DOCK8: variants seen among roughly 807,000 people sequenced by gnomAD.
DOCK8 encodes dedicator of cytokinesis 8.
In DOCK8, 141 loss-of-function variants were observed where a neutral mutation model predicts 245.6. That is an observed-to-expected ratio of 0.57 (90% confidence interval 0.50 to 0.66). The LOEUF is 0.66. DOCK8 is among the 30% of genes least tolerant of loss of function. The pLI, the probability that DOCK8 is intolerant of heterozygous loss-of-function variation, is 0.00. For synonymous variants in DOCK8, 1,168 were observed against 970.2 expected, an observed-to-expected ratio of 1.20 and a Z score of -3.79; for missense variants, 2,965 against 2,603.4, an observed-to-expected ratio of 1.14 and a Z score of -3.02.
intron 2 of DOCK8, among the ~76,000 whole-genome samples, chr9:277,276 T>C (rs1284215688): frequency 1.4e-5 from 2 of 147,794 alleles, no homozygotes; most frequent in East Asian, 1.9e-4. Context: ...AAAAGAAAAA[T>C]TAGCCAGGCA....
At chr9:220,729 T>C in intron 1 of DOCK8, 1 of 414,808 alleles carries the variant, frequency 2.4e-6, no homozygotes, top group Non-Finnish European at 4.7e-6. Context: ...TTTTTTTTTT[T>C]TTTCTTTTTT....
intron 18 of DOCK8, among the ~76,000 whole-genome samples, chr9:373,651 C>G (rs2053394387): frequency 6.6e-6 from 1 of 152,212 alleles, no homozygotes; most frequent in South Asian, 2.1e-4. Flanking sequence ...ACTTTCTTCT[C>G]TGTTCTTTCG....
At chr9:422,944 C>T (rs1218819303) in intron 33 of DOCK8, among the ~76,000 whole-genome samples, 2 of 145,756 alleles carry the variant, frequency 1.4e-5, no homozygotes, top group Non-Finnish European at 3.0e-5. Context: ...AAGATCGTGC[C>T]ATTGCACTCC....
At chr9:355,181 CTGTTTCTTTTCTTTTT>C (rs1217487980) in intron 14 of DOCK8, among the ~76,000 whole-genome samples, 1 of 115,072 alleles carries the variant, frequency 8.7e-6, no homozygotes, top group African/African-American at 4.0e-5. Flanking sequence ...TGGTGTATTT[CTGTTTCTTTTCTTTTT>C]TTTTTTTTTT....
At chr9:275,007 T>G (rs2048286738) in intron 2 of DOCK8, among the ~76,000 whole-genome samples, 1 of 152,232 alleles carries the variant, frequency 6.6e-6, no homozygotes, top group African/African-American at 2.4e-5. Context: ...TGCTGCTGTT[T>G]TGCAAGAGTG....
intron 20 of DOCK8, among the ~76,000 whole-genome samples, chr9:379,553 A>G (rs2053654376): frequency 6.6e-6 from 1 of 152,128 alleles, no homozygotes; most frequent in Non-Finnish European, 1.5e-5. Flanking sequence ...CATCAATGCT[A>G]TTCAGTGGCA....
At chr9:389,189 G>A (rs2054082018) in intron 23 of DOCK8, among the ~76,000 whole-genome samples, 3 of 152,154 alleles carry the variant, frequency 2.0e-5, no homozygotes, top group Admixed American at 2.0e-4. Flanking sequence ...ACATTATCAG[G>A]CACACTGTAA....
chr9:266,600 G>C (rs2048039084), intron 1 of DOCK8, among the ~76,000 whole-genome samples: 1 of 152,036 alleles, frequency 6.6e-6, no homozygotes, highest in East Asian at 1.9e-4. Flanking sequence ...GCCACACTTT[G>C]CAAGCTCTAC....
At chr9:354,160 T>C (rs1305006479) in intron 14 of DOCK8, among the ~76,000 whole-genome samples, 1 of 152,266 alleles carries the variant, frequency 6.6e-6, no homozygotes, top group South Asian at 2.1e-4. Context: ...GGCAAAACCC[T>C]GTCTTTACTA....
intron 32 of DOCK8, 100 bp downstream of exon 32, chr9:421,178 G>T (rs1369075585): frequency 6.6e-7 from 1 of 1,521,602 alleles, no homozygotes; most frequent in Admixed American, 1.7e-5. Context: ...TTACTTTCTT[G>T]AGATATTTAC....
chr9:463,730 G>C (rs764018298), intron 47 of DOCK8, 43 bp downstream of exon 47: 2 of 1,610,560 alleles, frequency 1.2e-6, no homozygotes, highest in East Asian at 2.2e-5. Flanking sequence ...GGGATAAAGA[G>C]CAGCGCATGG....
At chr9:426,011 T>TA (rs1278719120) in intron 33 of DOCK8, among the ~76,000 whole-genome samples, 12 of 152,232 alleles carry the variant, frequency 7.9e-5, no homozygotes, top group Non-Finnish European at 1.6e-4. Context: ...TATGAGCTGA[T>TA]ATAATGATAC....
rs543132727 is a variant in DOCK8 at position 372,265 on chromosome 9, C to G, written c.2088C>G (p.Asn696Lys). Reference protein sequence around the residue: ...LPVALEKLPPNYSMHSAEKVP... With the variant: ...LPVALEKLPPKYSMHSAEKVP... ...TTGCCTTGGAAAAATTGCCACCCAA[C>G]TACTCCATGCATTCTGCTGAGGTAA... The change falls in exon 18 of 48, where the codon AAC (asparagine) becomes AAG (lysine). Residue 696 changes from asparagine (N) to lysine (K), a missense_variant. Coordinates refer to ENST00000432829, the MANE Select transcript of DOCK8 (RefSeq NM_203447.4). The G allele has an allele frequency of 6.2e-7, 1 of 1,614,004 alleles. No homozygotes were observed. The highest frequency in any genetic ancestry group is 1.3e-5 in the African/African-American group (1 of 75,062).
chr9:346,116 A>G (rs777079591), intron 14 of DOCK8, among the ~76,000 whole-genome samples: 1 of 151,910 alleles, frequency 6.6e-6, no homozygotes, highest in Non-Finnish European at 1.5e-5. Context: ...ACTCTGAGAA[A>G]TCACAAGCAG....
At chr9:366,231 GTATTGTCACA>G (rs1396090817) in intron 14 of DOCK8, 2 of 153,126 alleles carry the variant, frequency 1.3e-5, no homozygotes, top group Non-Finnish European at 2.9e-5. Context: ...AGCTCATTGA[GTATTGTCACA>G]TATCAGCCCA....
chr9:444,360 A>AATAATAATAAT lies in DOCK8; in HGVS notation c.5580+849_5580+850insAATAATATAAT, dbSNP rs1396741351. Among the ~76,000 whole-genome samples the AATAATAATAAT allele has an allele frequency of 8.7e-5, 13 of 150,204 alleles. No homozygotes were observed. The South Asian group carries it at 2.5e-3, about 29-fold the overall frequency. On this transcript the variant is annotated intron_variant, in intron 43 of 47. Coordinates refer to ENST00000432829, the MANE Select transcript of DOCK8 (RefSeq NM_203447.4). ...AAATAATAATAATAATAATAATAATAATAATTTGGGAGTTTCTATGATACC... is the reference window on the plus strand; with the variant it reads ...AAATAATAATAATAATAATAATAATAATAATAATAATATAATTTGGGAGTTTCTATGATACC...
intron 26 of DOCK8, among the ~76,000 whole-genome samples, chr9:402,542 C>T (rs544546122): frequency 1.3e-5 from 2 of 152,286 alleles, no homozygotes; most frequent in South Asian, 2.1e-4. Flanking sequence ...GACCCCCATT[C>T]GTGGTGATTT....
chr9:397,629 G>A (rs2054526761), intron 25 of DOCK8, among the ~76,000 whole-genome samples: 1 of 151,936 alleles, frequency 6.6e-6, no homozygotes, highest in Non-Finnish European at 1.5e-5. Flanking sequence ...GGCGGAGGTT[G>A]CAGTGAGCCG....
intron 14 of DOCK8, among the ~76,000 whole-genome samples, chr9:345,763 T>C (rs1178958027): frequency 1.3e-5 from 2 of 152,130 alleles, no homozygotes; most frequent in African/African-American, 4.8e-5. Context: ...AGTTGCATTC[T>C]AGTGTATTAG....
Sources: gnomAD v4.1 joint callset for allele counts (sites outside exome capture counted in the v4.1 genomes callset) on GRCh38, gnomAD v4.1.1 for gene constraint, MANE v1.5 for transcripts, NCBI Gene and HGNC (gene_info 2026-07-23, HGNC 2026-07-21) for gene names.